Variants in OXR1 observed in about 807,000 individuals in gnomAD.
OXR1 encodes the protein oxidation resistance 1, also known as oxidation resistance protein 1.
Under a neutral mutation model 104.6 loss-of-function variants are expected in OXR1, and 41 were observed. The observed-to-expected ratio is 0.39, with a 90% CI of 0.31 to 0.51. OXR1 has a LOEUF of 0.51. Among genes scored for constraint, OXR1 ranks in the 20% least tolerant of loss-of-function variants. OXR1 has a pLI of 0.77. For synonymous variants in OXR1, 348 were observed against 348.4 expected (o/e 1.00, Z 0.01); for missense variants, 955 against 1,031.9 (o/e 0.93, Z 1.02).
chr8:106,729,960 T>A (rs1352367232), intron 11 of OXR1: 2 of 151,786 alleles, frequency 1.3e-5, no homozygotes, highest in Non-Finnish European at 2.9e-5. Context: ...AACTAGAATA[T>A]CACTAATGTA....
intron 3 of OXR1, among the ~76,000 whole-genome samples, chr8:106,664,277 T>C (rs1042195440): frequency 1.3e-5 from 2 of 152,224 alleles, no homozygotes; most frequent in African/African-American, 4.8e-5. Flanking sequence ...AACTTCAGCA[T>C]GCAACAGAAT....
intron 2 of OXR1, among the ~76,000 whole-genome samples, chr8:106,396,720 A>G (rs1043124386): frequency 1.3e-5 from 2 of 152,038 alleles, no homozygotes; most frequent in African/African-American, 4.8e-5. Context: ...ATTACTTTTA[A>G]TGGTAAAAAC....
chr8:106,319,877 T>G (rs1814141837), intron 1 of OXR1, among the ~76,000 whole-genome samples: 1 of 152,174 alleles, frequency 6.6e-6, no homozygotes, highest in Non-Finnish European at 1.5e-5. Context: ...AGCAGTACTT[T>G]TTGTTTTGAA....
chr8:106,333,584 G>A (rs1814825786), intron 1 of OXR1, among the ~76,000 whole-genome samples: 1 of 151,944 alleles, frequency 6.6e-6, no homozygotes, highest in African/African-American at 2.4e-5. Context: ...TTATACCTAT[G>A]TTTTCTTCTA....
Position 106,518,922 on chromosome 8 carries a change from TG to T in OXR1, c.24-20del, listed in dbSNP as rs1319221545. On this transcript the variant is annotated intron_variant, in intron 2 of 16. Coordinates refer to ENST00000517566, the MANE Select transcript of OXR1 (RefSeq NM_001198533.2). ...GTCTCTAGAATCAGGATTCATAGCA[TG>T]TGGTCTTCTTTACTTGTAGGCTGAA... 6.6e-7 allele frequency: 1 copy of T among 1,516,624 alleles called. No homozygotes were observed. The highest frequency in any genetic ancestry group is 1.4e-5 in the African/African-American group (1 of 72,030). 93.9% of individuals were successfully genotyped at this position (1,516,624 alleles called of 1,614,324 possible).
intron 3 of OXR1, among the ~76,000 whole-genome samples, chr8:106,663,789 A>G (rs1481464891): frequency 1.3e-5 from 2 of 152,316 alleles, no homozygotes; most frequent in East Asian, 1.9e-4. Context: ...GAACAGTTTC[A>G]TTGAGAAGCC....
At chr8:106,500,690 A>G (rs570953946) in intron 2 of OXR1, among the ~76,000 whole-genome samples, 4 of 152,306 alleles carry the variant, frequency 2.6e-5, no homozygotes, top group African/African-American at 9.6e-5. Flanking sequence ...CCAAGATGTC[A>G]ATCTTTTCCC....
At chr8:106,281,165 C>T (rs1186107820) in intron 1 of OXR1, among the ~76,000 whole-genome samples, 1 of 152,104 alleles carries the variant, frequency 6.6e-6, no homozygotes, top group Admixed American at 6.5e-5. Flanking sequence ...TAGTTTGGTG[C>T]CACATGAAGA....
At chr8:106,601,291 C>T (rs1376248008) in intron 3 of OXR1, among the ~76,000 whole-genome samples, 1 of 151,754 alleles carries the variant, frequency 6.6e-6, no homozygotes, top group East Asian at 2.0e-4. Flanking sequence ...TAAAATGGCT[C>T]CTGTCTTTAT....
At position 106,722,589 on chromosome 8, in the gene OXR1, A is replaced by G. The variant is rs888140400; in HGVS notation, c.1956+8604A>G. Reference sequence around the variant, plus strand: ...AATGCATTACCCTCTCTATGTTTAGATATATTTTGATACACAAATCCTTAT... The same window carrying G: ...AATGCATTACCCTCTCTATGTTTAGGTATATTTTGATACACAAATCCTTAT... On this transcript the variant is annotated intron_variant, in intron 11 of 16. Coordinates refer to ENST00000517566, the MANE Select transcript of OXR1 (RefSeq NM_001198533.2). Among the ~76,000 whole-genome samples, 4 of 152,072 alleles carry G rather than the reference A, an allele frequency of 2.6e-5. No individual in the cohort carries two copies. The East Asian group carries it at 7.7e-4, about 29-fold the overall frequency.
At chr8:106,682,265 CTT>C (rs760684524) in intron 4 of OXR1, among the ~76,000 whole-genome samples, 8 of 117,878 alleles carry the variant, frequency 6.8e-5, no homozygotes, top group Non-Finnish European at 8.9e-5. Flanking sequence ...AGAGCTCTCT[CTT>C]TTTTTTTTTT....
intron 6 of OXR1, among the ~76,000 whole-genome samples, chr8:106,690,917 A>G (rs547778643): frequency 3.5e-4 from 53 of 152,022 alleles, no homozygotes; most frequent in African/African-American, 1.3e-3. Context: ...TGCCCTACCT[A>G]TGTGTTACTA....
intron 1 of OXR1, among the ~76,000 whole-genome samples, chr8:106,301,240 C>T (rs1223950167): frequency 6.6e-6 from 1 of 152,106 alleles, no homozygotes; most frequent in African/African-American, 2.4e-5. Flanking sequence ...TTTGCAGTCA[C>T]TTTATATTTC....
At position 106,636,376 on chromosome 8, in the gene OXR1, C is replaced by A. The variant is rs571707222; in HGVS notation, c.221-42834C>A. On this transcript the variant is annotated intron_variant, in intron 3 of 16. Coordinates refer to ENST00000517566, the MANE Select transcript of OXR1 (RefSeq NM_001198533.2). ...CAGGAATTCCACAAGCTATTACCAG[C>A]CAAACCCTTTTGCAACTTATTAAGT... 2.6e-5 allele frequency among the ~76,000 whole-genome samples: 4 copies of A among 152,104 alleles called. No homozygotes were observed. The South Asian group carries it at 8.3e-4, about 32-fold the overall frequency.
intron 3 of OXR1, among the ~76,000 whole-genome samples, chr8:106,534,610 A>G (rs1340007485): frequency 3.9e-5 from 6 of 152,244 alleles, no homozygotes; most frequent in Non-Finnish European, 8.8e-5. Context: ...CAAAAACATT[A>G]GAATTAGCAA....
intron 3 of OXR1, among the ~76,000 whole-genome samples, chr8:106,525,796 G>T (rs986245560): frequency 6.6e-6 from 1 of 152,098 alleles, no homozygotes; most frequent in African/African-American, 2.4e-5. Flanking sequence ...TTTTAATCTT[G>T]TTTGTCTTCA....
intron 2 of OXR1, among the ~76,000 whole-genome samples, chr8:106,443,752 C>A (rs1312039910): frequency 1.3e-5 from 2 of 151,896 alleles, no homozygotes; most frequent in Non-Finnish European, 2.9e-5. Context: ...CTTTGCTTTC[C>A]AAGGCAATTC....
At chr8:106,707,197 C>T (rs375793940) in intron 9 of OXR1, 52 bp downstream of exon 9, 216 of 1,545,494 alleles carry the variant, frequency 1.4e-4, no homozygotes, top group South Asian at 8.0e-4. Context: ...ATGGTGTCTC[C>T]GTCTTTCCTC....
rs1265608762 is a variant in OXR1 at position 106,740,445 on chromosome 8, A to G, written c.2266A>G (p.Thr756Ala). 3 of 1,613,224 alleles carry G rather than the reference A, an allele frequency of 1.9e-6. No individual in the cohort carries two copies. The highest frequency in any genetic ancestry group is 2.5e-6 in the Non-Finnish European group (3 of 1,179,462). The change falls in exon 14 of 17, where the codon ACA becomes GCA. Residue 756 changes from threonine (T) to alanine (A), a missense_variant. Physicochemically the swap from Thr to Ala is moderately conservative, Grantham distance 58. Transcript: ENST00000517566. Reference protein sequence around the residue: ...TSLKTLYRTMTGLDTPVLMVI... With the variant: ...TSLKTLYRTMAGLDTPVLMVI... The stretch of plus-strand genomic sequence containing the variant: ...CTTGAAAACTCTTTATCGAACAATG[A>G]CAGGTTTAGACACCCCAGTGCTGAT...
Sources: allele counts gnomAD v4.1 joint callset (sites outside exome capture counted in the v4.1 genomes callset), GRCh38; gene constraint gnomAD v4.1.1; transcripts MANE v1.5; gene names NCBI Gene and HGNC (gene_info 2026-07-23, HGNC 2026-07-21).